CYFIP1: variants seen among roughly 807,000 people sequenced by gnomAD.
CYFIP1 encodes cytoplasmic FMR1-interacting protein 1.
A neutral mutation model predicts 163.5 loss-of-function variants in CYFIP1; 58 were observed. That is an observed-to-expected ratio of 0.35 (90% confidence interval 0.29 to 0.44). The LOEUF (loss-of-function observed/expected upper bound fraction) is 0.44, where lower values mean the gene tolerates loss of function less well. Among genes scored for constraint, CYFIP1 ranks in the 20% least tolerant of loss-of-function variants. CYFIP1 has a pLI of 1.00. For synonymous variants in CYFIP1, 663 were observed against 660.7 expected (o/e 1.00, Z -0.05); for missense variants, 1,338 against 1,653.8 (o/e 0.81, Z 3.31).
At chr15:22,962,820 T>G (rs1408688487) in intron 1 of CYFIP1, among the ~76,000 whole-genome samples, 2 of 152,234 alleles carry the variant, frequency 1.3e-5, no homozygotes, top group African/African-American at 2.4e-5. Flanking sequence ...ACGAGACGCA[T>G]GCACGCTGCC....
intron 1 of CYFIP1, among the ~76,000 whole-genome samples, chr15:22,953,291 T>A (rs1231098299): frequency 1.3e-5 from 2 of 152,158 alleles, no homozygotes; most frequent in Non-Finnish European, 2.9e-5. Flanking sequence ...TCATGTCTCA[T>A]CCCATCTTGT....
intron 1 of CYFIP1, among the ~76,000 whole-genome samples, chr15:22,965,821 A>T (rs575942080): frequency 1.9e-3 from 287 of 152,152 alleles, no homozygotes; most frequent in African/African-American, 6.4e-3. Context: ...TGGCTCTGAG[A>T]GTTCAGGGGC....
intron 26 of CYFIP1, among the ~76,000 whole-genome samples, chr15:22,876,057 C>T (rs989467583): frequency 1.3e-5 from 2 of 151,526 alleles, no homozygotes; most frequent in African/African-American, 4.9e-5. Context: ...CGCTCACCAC[C>T]CCCACGGAGC....
chr15:22,928,760 C>T (rs2061439618), intron 11 of CYFIP1, among the ~76,000 whole-genome samples: 1 of 152,168 alleles, frequency 6.6e-6, no homozygotes, highest in African/African-American at 2.4e-5. Context: ...ATTAGAACCA[C>T]ACAAATATTT....
In CYFIP1 at chr15:22,927,901, C is replaced by T. The variant is rs2061408419; in HGVS notation, c.1233+5G>A. Reference sequence around the variant, plus strand: ...AGCGGGGCTGGGGTCGGGGACGGGGCCTACCACTTCCATCACGTGCGCGCT... The same window carrying T: ...AGCGGGGCTGGGGTCGGGGACGGGGTCTACCACTTCCATCACGTGCGCGCT... On this transcript the variant is annotated splice_donor_5th_base_variant and intron_variant, in intron 12 of 30. Transcript: ENST00000617928. 2.5e-6 allele frequency: 4 copies of T among 1,600,690 alleles called. No homozygotes were observed. Among genetic ancestry groups the T allele is most frequent in the Non-Finnish European group, 3.4e-6 (4 of 1,176,282 alleles).
chr15:22,958,085 T>C (rs1406013241), intron 1 of CYFIP1, among the ~76,000 whole-genome samples: 3 of 150,956 alleles, frequency 2.0e-5, no homozygotes, highest in South Asian at 2.1e-4. Flanking sequence ...GCTTTATTAC[T>C]GAAGTAATTT....
chr15:22,901,381 A>G (rs996276560), intron 22 of CYFIP1, among the ~76,000 whole-genome samples: 2 of 152,172 alleles, frequency 1.3e-5, no homozygotes, highest in Non-Finnish European at 2.9e-5. Flanking sequence ...TTTTAAACAG[A>G]AAAATGGTAA....
Position 22,869,151 on chromosome 15 carries a change from G to A in CYFIP1, c.*877C>T, listed in dbSNP as rs139326138. 1.2e-4 allele frequency: 19 copies of A among 152,442 alleles called. No individual in the cohort carries two copies. Among genetic ancestry groups the A allele is most frequent in the African/African-American group, 3.6e-4 (15 of 41,558 alleles). 9.4% of individuals were successfully genotyped at this position (152,442 alleles called of 1,614,324 possible). A position where few individuals can be genotyped will look rare whatever the true frequency, so the allele number is the denominator to read the frequency against. ...GGTCCCTTTGTGCAGCACCCACTGG[G>A]CCTGACTGATCTCCTCCCACATTGC... On this transcript the variant is annotated 3_prime_UTR_variant, in exon 31 of 31. Transcript: ENST00000617928.
intron 13 of CYFIP1, among the ~76,000 whole-genome samples, chr15:22,925,134 T>G (rs2061318541): frequency 6.7e-6 from 1 of 149,386 alleles, no homozygotes. Flanking sequence ...GGGCCAACTG[T>G]ATGAGACTTC....
Position 22,963,546 on chromosome 15 carries a change from T to TAACATAACATAACAACATAACATAAC in CYFIP1, c.-6-16256_-6-16255insGTTATGTTATGTTGTTATGTTATGTT, listed in dbSNP as rs2062777026. ...TAACATAACATAACATAACATAACA[T>TAACATAACATAACAACATAACATAAC]AACATAACATAAGAAAGAATGAAAT... On this transcript the variant is annotated intron_variant, in intron 1 of 30. Transcript: ENST00000617928. Among the ~76,000 whole-genome samples, 5 of 134,736 alleles carry TAACATAACATAACAACATAACATAAC rather than the reference T, an allele frequency of 3.7e-5. No individual in the cohort carries two copies. The South Asian group carries it at 1.2e-3, about 32-fold the overall frequency. 88.4% of individuals were successfully genotyped at this position (134,736 alleles called of 152,430 possible). A position where few individuals can be genotyped will look rare whatever the true frequency, so the allele number is the denominator to read the frequency against.
chr15:22,931,242 A>G (rs1214978234), intron 11 of CYFIP1, among the ~76,000 whole-genome samples: 1 of 152,044 alleles, frequency 6.6e-6, no homozygotes, highest in Non-Finnish European at 1.5e-5. Context: ...ATGCCCTAAA[A>G]CCCGCAGTCC....
At chr15:22,874,760 T>C (rs2059535145) in intron 27 of CYFIP1, 116 bp from the exon 28 acceptor site, 1 of 686,088 alleles carries the variant, frequency 1.5e-6, no homozygotes, top group Non-Finnish European at 2.2e-6. Context: ...TGGATACAGA[T>C]TCTCTTTGAA....
chr15:22,943,262 T>C lies in CYFIP1; in HGVS notation c.480A>G (p.Thr160=), dbSNP rs759007201. ...KDFVSEAYLI[T]LGKFINMFAV... is the part of the protein sequence containing the mutation. ...CGAACATGTTGATGAATTTGCCCAG[T>C]GTGATCAGGTAGGCTTCTGACACGA... The change falls in exon 6 of 31, where the codon ACA becomes ACG. Residue 160 remains threonine, a synonymous_variant. Coordinates refer to ENST00000617928, the MANE Select transcript of CYFIP1 (RefSeq NM_014608.6). 2 of 1,614,112 alleles carry C rather than the reference T, an allele frequency of 1.2e-6. No homozygotes were observed. Among genetic ancestry groups the C allele is most frequent in the African/African-American group, 1.3e-5 (1 of 74,944 alleles).
chr15:22,904,139 C>T, intron 21 of CYFIP1: 1 of 583,194 alleles, frequency 1.7e-6, no homozygotes. Flanking sequence ...ACGCCACCTA[C>T]CCCTGCTGTC....
chr15:22,904,285 A>G (rs566679008), intron 21 of CYFIP1: 29 of 293,366 alleles, frequency 9.9e-5, no homozygotes, highest in African/African-American at 5.6e-4. Flanking sequence ...GAGCTGAGCC[A>G]GCTTTCTCTG....
chr15:22,958,552 G>A (rs116859560), intron 1 of CYFIP1, among the ~76,000 whole-genome samples: 20 of 152,290 alleles, frequency 1.3e-4, no homozygotes, highest in South Asian at 6.2e-4. Context: ...ACGTCTCCAC[G>A]CCACATGGCC....
At chr15:22,958,864 A>T (rs990082829) in intron 1 of CYFIP1, among the ~76,000 whole-genome samples, 1 of 152,176 alleles carries the variant, frequency 6.6e-6, no homozygotes, top group African/African-American at 2.4e-5. Context: ...TCAAATTTGT[A>T]TGAAAAAAAC....
chr15:22,964,934 C>G (rs1428191164), intron 1 of CYFIP1, among the ~76,000 whole-genome samples: 1 of 152,098 alleles, frequency 6.6e-6, no homozygotes, highest in African/African-American at 2.4e-5. Flanking sequence ...CAGTATCTGT[C>G]TTTCTGGGCC....
chr15:22,890,781 G>A (rs1278276608), intron 23 of CYFIP1, among the ~76,000 whole-genome samples: 13 of 113,322 alleles, frequency 1.1e-4, no homozygotes, highest in African/African-American at 4.5e-4. Flanking sequence ...GGGGCACAGC[G>A]GAGGCCGCAC....
Sources: gnomAD v4.1 joint callset for allele counts (sites outside exome capture counted in the v4.1 genomes callset) on GRCh38, gnomAD v4.1.1 for gene constraint, MANE v1.5 for transcripts, NCBI Gene and HGNC (gene_info 2026-07-23, HGNC 2026-07-21) for gene names.